FLVCR1: variants seen among roughly 807,000 people sequenced by gnomAD.
FLVCR1 encodes FLVCR choline and heme transporter 1, also known as choline/ethanolamine transporter FLVCR1.
A neutral mutation model predicts 53.6 loss-of-function variants in FLVCR1; 34 were observed. That is an observed-to-expected ratio of 0.63 (90% confidence interval 0.48 to 0.84). The LOEUF is 0.84. Ranked by LOEUF, FLVCR1 falls within the 40% of genes least tolerant of loss-of-function variation. FLVCR1 has a pLI of 0.00. For missense variants in FLVCR1, 677 were observed against 696.7 expected (o/e 0.97, Z 0.32); for synonymous variants, 300 against 286.3 (o/e 1.05, Z -0.48).
intron 6 of FLVCR1, 90 bp downstream of exon 6, chr1:212,888,091 C>T: frequency 1.3e-6 from 1 of 794,474 alleles, no homozygotes. Flanking sequence ...TTCAGTTCAT[C>T]CAAAGTTTCT....
chr1:212,889,407 T>G, intron 8 of FLVCR1, 150 bp downstream of exon 8: 1 of 653,606 alleles, frequency 1.5e-6, no homozygotes, highest in Non-Finnish European at 2.8e-6. Flanking sequence ...CATGAATCTC[T>G]TACTTCATTT....
intron 8 of FLVCR1, among the ~76,000 whole-genome samples, chr1:212,894,195 C>G (rs9430105): frequency 0.08 from 12,126 of 151,656 alleles, 748 homozygotes; most frequent in African/African-American, 0.17. Flanking sequence ...ACTGGAAAAC[C>G]AAAAAATATG....
chr1:212,881,578 G>A (rs887513024), intron 3 of FLVCR1, among the ~76,000 whole-genome samples: 6 of 151,988 alleles, frequency 3.9e-5, no homozygotes, highest in African/African-American at 9.7e-5. Flanking sequence ...GGCCAGACTG[G>A]TGTCGAACTC....
At chr1:212,867,383 A>C (rs562463151) in intron 2 of FLVCR1, among the ~76,000 whole-genome samples, 3 of 152,346 alleles carry the variant, frequency 2.0e-5, no homozygotes, top group African/African-American at 4.8e-5. Context: ...TATCTCATTT[A>C]ATCCTCATGA....
intron 1 of FLVCR1, 85 bp downstream of exon 1, chr1:212,859,275 T>C (rs1664146176): frequency 6.3e-7 from 1 of 1,586,622 alleles, no homozygotes; most frequent in Non-Finnish European, 8.6e-7. Flanking sequence ...CCTGTATGGA[T>C]GAACTGCCCC....
rs1263212523 is a variant in FLVCR1, at chr1:212,899,066, TA to T, written c.*3777del. 6.6e-6 allele frequency: 1 copy of T among 152,218 alleles called. No homozygotes were observed. Among genetic ancestry groups the T allele is most frequent in the African/African-American group, 2.4e-5 (1 of 41,460 alleles). The allele number at this position is 152,218 out of a possible 1,614,324, so 9.4% of individuals were successfully genotyped here. A position where few individuals can be genotyped will look rare whatever the true frequency, so the allele number is the denominator to read the frequency against. Reference sequence around the variant, plus strand: ...TATGTCGTATTTTCAGAAAATGGAATAGGTAATCATCACTTGTGTGAATTTT... The same window carrying T: ...TATGTCGTATTTTCAGAAAATGGAATGGTAATCATCACTTGTGTGAATTTT... On this transcript the variant is annotated 3_prime_UTR_variant, in exon 10 of 10. Coordinates refer to ENST00000366971, the MANE Select transcript of FLVCR1 (RefSeq NM_014053.4).
At chr1:212,862,612 AT>A (rs1335359210) in intron 1 of FLVCR1, among the ~76,000 whole-genome samples, 4 of 152,156 alleles carry the variant, frequency 2.6e-5, no homozygotes, top group African/African-American at 9.7e-5. Flanking sequence ...CCTTTTGGTT[AT>A]TGTGGTAATG....
chr1:212,865,587 A>C lies in FLVCR1; in HGVS notation c.883+1718A>C, dbSNP rs900206713. ...AACCTCTACCTCCCAAGTTCAAGTG[A>C]TTCTCCTGCCTCAGCCTCCCGAGCA... is the stretch of plus-strand genomic sequence containing the variant. On this transcript the variant is annotated intron_variant, in intron 2 of 9. Transcript: ENST00000366971. Among the ~76,000 whole-genome samples the C allele has an allele frequency of 9.5e-5, 14 of 147,560 alleles. No individual in the cohort carries two copies. In the Admixed American group the frequency reaches 9.8e-4, roughly 10 times the overall value.
chr1:212,875,699 G>A (rs926656518), intron 3 of FLVCR1, among the ~76,000 whole-genome samples: 29 of 151,850 alleles, frequency 1.9e-4, no homozygotes, highest in Non-Finnish European at 3.8e-4. Context: ...AATTAGCTGG[G>A]CATGGTGGGT....
At chr1:212,893,712 A>G (rs960048578) in intron 8 of FLVCR1, among the ~76,000 whole-genome samples, 15 of 152,248 alleles carry the variant, frequency 9.9e-5, no homozygotes, top group African/African-American at 3.6e-4. Context: ...CTCCACCAGC[A>G]AAAAGATAAC....
At chr1:212,865,509 G>A (rs1184432749) in intron 2 of FLVCR1, among the ~76,000 whole-genome samples, 4 of 68,326 alleles carry the variant, frequency 5.9e-5, no homozygotes, top group African/African-American at 3.5e-4. Flanking sequence ...TTGAGACAGA[G>A]TCTCGCTCTG....
chr1:212,887,111 C>G (rs1484322512), intron 5 of FLVCR1, among the ~76,000 whole-genome samples: 2 of 152,186 alleles, frequency 1.3e-5, no homozygotes, highest in East Asian at 3.8e-4. Context: ...CCAAAAGTAT[C>G]TCTAATCTTG....
intron 2 of FLVCR1, among the ~76,000 whole-genome samples, chr1:212,866,983 TA>T (rs961705061): frequency 6.6e-6 from 1 of 152,238 alleles, no homozygotes; most frequent in Non-Finnish European, 1.5e-5. Flanking sequence ...TTGGATTACT[TA>T]AAAAAATCCA....
At chr1:212,871,880 C>T (rs1664607209) in intron 2 of FLVCR1, among the ~76,000 whole-genome samples, 1 of 152,184 alleles carries the variant, frequency 6.6e-6, no homozygotes, top group African/African-American at 2.4e-5. Flanking sequence ...TATACCACCA[C>T]ACTTTTATGT....
chr1:212,895,528 A>G lies in FLVCR1; in HGVS notation c.*238A>G. The G allele has an allele frequency of 1.9e-6, 1 of 519,806 alleles. No individual in the cohort carries two copies. Among genetic ancestry groups the G allele is most frequent in the East Asian group, 3.5e-5 (1 of 28,934 alleles). 32.2% of individuals were successfully genotyped at this position (519,806 alleles called of 1,614,324 possible). A position where few individuals can be genotyped will look rare whatever the true frequency, so the allele number is the denominator to read the frequency against. On this transcript the variant is annotated 3_prime_UTR_variant, in exon 10 of 10. Coordinates refer to ENST00000366971, the MANE Select transcript of FLVCR1 (RefSeq NM_014053.4). Reference sequence around the variant, plus strand: ...TAACACTACTGTTTATCTAATTAGTATCCGGTTTTTAGTCTCATATTGTAT... The same window carrying G: ...TAACACTACTGTTTATCTAATTAGTGTCCGGTTTTTAGTCTCATATTGTAT...
chr1:212,869,532 T>TA (rs1197493685), intron 2 of FLVCR1, among the ~76,000 whole-genome samples: 1 of 152,224 alleles, frequency 6.6e-6, no homozygotes, highest in East Asian at 1.9e-4. Flanking sequence ...TAAAGACTGG[T>TA]AAGAAGTATT....
chr1:212,863,091 G>C (rs6700342), intron 1 of FLVCR1, among the ~76,000 whole-genome samples: 65,539 of 151,966 alleles, frequency 0.43, 15,022 homozygotes, highest in East Asian at 0.55. Context: ...AAATTTTTCT[G>C]ATTCTGTAGG....
At chr1:212,888,074 T>A in intron 6 of FLVCR1, 73 bp downstream of exon 6, 1 of 925,610 alleles carries the variant, frequency 1.1e-6, no homozygotes, top group Non-Finnish European at 1.8e-6. Context: ...CTCTGGTCTT[T>A]AATTTTTTCA....
chr1:212,889,755 CAA>C (rs386369572), intron 8 of FLVCR1, among the ~76,000 whole-genome samples: 6 of 111,562 alleles, frequency 5.4e-5, no homozygotes, highest in Admixed American at 1.9e-4. Flanking sequence ...GACTCTGTCT[CAA>C]AAAAAAAAAA....
Sources: gnomAD v4.1 joint callset for allele counts (sites outside exome capture counted in the v4.1 genomes callset) on GRCh38, gnomAD v4.1.1 for gene constraint, MANE v1.5 for transcripts, NCBI Gene and HGNC (gene_info 2026-07-23, HGNC 2026-07-21) for gene names.